IQCE: variants seen among roughly 807,000 people sequenced by gnomAD.
The protein encoded by IQCE is IQ domain-containing protein E.
Under a neutral mutation model 96.0 loss-of-function variants are expected in IQCE, and 115 were observed. That is an observed-to-expected ratio of 1.20 (90% CI 1.03 to 1.40). The LOEUF is 1.40. IQCE is among the 40% of genes most tolerant of loss of function. The pLI, the probability that IQCE is intolerant of heterozygous loss-of-function variation, is 0.00. For missense variants in IQCE, 1,041 were observed against 909.1 expected (o/e 1.15, Z -1.87); for synonymous variants, 412 against 371.2 (o/e 1.11, Z -1.26).
At chr7:2,603,432 C>T (rs1157715369) in intron 18 of IQCE, among the ~76,000 whole-genome samples, 3 of 152,132 alleles carry the variant, frequency 2.0e-5, no homozygotes, top group Admixed American at 6.5e-5. Flanking sequence ...GCTCCTTGTC[C>T]GATCGGCCAG....
intron 15 of IQCE, among the ~76,000 whole-genome samples, chr7:2,594,643 G>A (rs889342753): frequency 2.6e-5 from 4 of 152,216 alleles, no homozygotes; most frequent in Non-Finnish European, 4.4e-5. Flanking sequence ...CCTCAGCCAC[G>A]GCCTCGTGGG....
intron 6 of IQCE, among the ~76,000 whole-genome samples, chr7:2,575,660 C>T (rs539772390): frequency 6.6e-6 from 1 of 152,198 alleles, no homozygotes; most frequent in Non-Finnish European, 1.5e-5. Flanking sequence ...AGAGCGGTTC[C>T]TGCCTGTCGG....
Position 2,611,147 on chromosome 7 carries a change from G to GCTGGGCTGGGCTGGGCTGGA in IQCE, c.*986_*987insTGGGCTGGGCTGGGCTGGAC, listed in dbSNP as rs1785090628. On this transcript the variant is annotated 3_prime_UTR_variant, in exon 22 of 22. Coordinates refer to ENST00000402050, the MANE Select transcript of IQCE (RefSeq NM_152558.5). ...GCTGGGCTGGGCTGGGCTGGGCCGG[G>GCTGGGCTGGGCTGGGCTGGA]CGTGCGGAGCCTGTGGAGCCAGCAG... 1 of 152,680 alleles carries GCTGGGCTGGGCTGGGCTGGA rather than the reference G, an allele frequency of 6.5e-6. No individual in the cohort carries two copies. 9.5% of individuals were successfully genotyped at this position (152,680 alleles called of 1,614,324 possible).
intron 18 of IQCE, among the ~76,000 whole-genome samples, chr7:2,604,455 A>G (rs1784648066): frequency 6.6e-6 from 1 of 152,238 alleles, no homozygotes; most frequent in African/African-American, 2.4e-5. Flanking sequence ...TTCTCTTAAG[A>G]TCACTTCAGA....
intron 1 of IQCE, among the ~76,000 whole-genome samples, chr7:2,565,878 C>T (rs1405159176): frequency 6.6e-6 from 1 of 152,168 alleles, no homozygotes; most frequent in Non-Finnish European, 1.5e-5. Context: ...TCCTTTGCCC[C>T]TCGAAATGCA....
chr7:2,568,260 C>T lies in IQCE; in HGVS notation c.85-694C>T, dbSNP rs542020759. Among the ~76,000 whole-genome samples the T allele has an allele frequency of 9.8e-5, 15 of 152,304 alleles. No individual in the cohort carries two copies. In the South Asian group the frequency reaches 1.2e-3, roughly 13 times the overall value. On this transcript the variant is annotated intron_variant, in intron 2 of 21. Transcript: ENST00000402050. ...TATTAAAAACACAATATAAAATTACCATTGCACTATGGGTATAATGTATAT... is the reference window on the plus strand; with the variant it reads ...TATTAAAAACACAATATAAAATTACTATTGCACTATGGGTATAATGTATAT...
chr7:2,575,165 GT>G (rs1782024653), intron 6 of IQCE, among the ~76,000 whole-genome samples: 2 of 152,232 alleles, frequency 1.3e-5, no homozygotes, highest in African/African-American at 4.8e-5. Context: ...CGCTCTGAGT[GT>G]TTCATCGCGA....
intron 14 of IQCE, among the ~76,000 whole-genome samples, chr7:2,591,333 G>C (rs1007798998): frequency 6.6e-6 from 1 of 152,062 alleles, no homozygotes; most frequent in African/African-American, 2.4e-5. Flanking sequence ...CCTCACCGGG[G>C]GTTCTGGAGT....
chr7:2,594,253 C>G (rs1017003984), intron 15 of IQCE, among the ~76,000 whole-genome samples: 5 of 152,154 alleles, frequency 3.3e-5, no homozygotes, highest in African/African-American at 1.2e-4. Flanking sequence ...GAGCGAGACT[C>G]TGTCTCAAAC....
intron 1 of IQCE, among the ~76,000 whole-genome samples, chr7:2,563,825 C>T (rs1390242449): frequency 1.5e-5 from 2 of 134,256 alleles, no homozygotes; most frequent in South Asian, 4.8e-4. Context: ...ACCCGGGAGG[C>T]GGAGCTTGCA....
chr7:2,583,741 G>T (rs1486585806), intron 10 of IQCE, 32 bp downstream of exon 10: 5 of 1,189,504 alleles, frequency 4.2e-6, no homozygotes, highest in Non-Finnish European at 5.6e-6. Flanking sequence ...AGCGGAGGGC[G>T]GGCACCGAGC....
At chr7:2,592,641 C>G (rs1030377339) in intron 14 of IQCE, among the ~76,000 whole-genome samples, 38 of 152,256 alleles carry the variant, frequency 2.5e-4, no homozygotes, top group African/African-American at 8.9e-4. Context: ...ACAGGCAGTG[C>G]CACGGTCTAG....
chr7:2,566,869 G>C (rs1781410924), intron 1 of IQCE, among the ~76,000 whole-genome samples: 1 of 152,234 alleles, frequency 6.6e-6, no homozygotes, highest in South Asian at 2.1e-4. Context: ...AGTGTTACTA[G>C]ATTTGCAGAC....
intron 3 of IQCE, among the ~76,000 whole-genome samples, chr7:2,570,143 C>T (rs973024876): frequency 1.3e-5 from 2 of 152,044 alleles, no homozygotes; most frequent in African/African-American, 2.4e-5. Context: ...CACCACGTTC[C>T]GAGGCTTTTC....
At chr7:2,585,685 A>C (rs1211020438) in intron 11 of IQCE, among the ~76,000 whole-genome samples, 1 of 152,266 alleles carries the variant, frequency 6.6e-6, no homozygotes, top group Non-Finnish European at 1.5e-5. Flanking sequence ...GGTCAGCCCC[A>C]GCTGGGAACG....
In IQCE at chr7:2,567,090, T is replaced by C. The variant is rs373950715; in HGVS notation, c.37-26T>C. 95 of 1,610,016 alleles carry C rather than the reference T, an allele frequency of 5.9e-5. No homozygotes were observed. The African/African-American group carries it at 1.1e-3, about 19-fold the overall frequency. ...GGAAGCCCAGCAGGTGCCGTCGAGTTACAGTGTTTGCCTCTCTTCCTCCAG... is the reference window on the plus strand; with the variant it reads ...GGAAGCCCAGCAGGTGCCGTCGAGTCACAGTGTTTGCCTCTCTTCCTCCAG... On this transcript the variant is annotated intron_variant, in intron 1 of 21. Transcript: ENST00000402050.
At position 2,587,873 on chromosome 7, in the gene IQCE, A is replaced by G. The variant is rs1236837809; in HGVS notation, c.1040A>G (p.Glu347Gly). 1.2e-6 allele frequency: 2 copies of G among 1,614,002 alleles called. No individual in the cohort carries two copies. Among genetic ancestry groups the G allele is most frequent in the South Asian group, 1.1e-5 (1 of 91,088 alleles). ...PRLLRRIVEL[E>G]KKLSVMESSK... ...CTGCTGAGGCGCATTGTGGAGCTGGAGAAGGTGAGCGGGCGTCTCAGTGCC... is the reference window on the plus strand; with the variant it reads ...CTGCTGAGGCGCATTGTGGAGCTGGGGAAGGTGAGCGGGCGTCTCAGTGCC... Residue 347 changes from glutamate (E) to glycine (G), a missense_variant, in exon 13 of 22, where the codon GAG (glutamate) becomes GGG (glycine). Physicochemically the swap from Glu to Gly is moderately conservative, Grantham distance 98. Transcript: ENST00000402050.
In IQCE at chr7:2,586,284, G is replaced by A. The variant is rs925435325; in HGVS notation, c.901G>A (p.Val301Ile). ...GSALLSLSRS[V>I]QELTEENQSL... ...TGCCCTCCTGAGCTTGTCCCGGAGT[G>A]TCCAGGAGCTCACGGAAGAGAACCA... The change falls in exon 12 of 22, where the codon GTC (valine) becomes ATC (isoleucine). Residue 301 changes from valine to isoleucine, a missense_variant. Transcript: ENST00000402050. 1 of 1,613,568 alleles carries A rather than the reference G, an allele frequency of 6.2e-7. No individual in the cohort carries two copies. Among genetic ancestry groups the A allele is most frequent in the African/African-American group, 1.3e-5 (1 of 74,938 alleles).
chr7:2,572,115 G>A (rs1474481230), intron 4 of IQCE, 77 bp from the exon 5 acceptor site: 9 of 1,480,018 alleles, frequency 6.1e-6, no homozygotes, highest in Non-Finnish European at 9.2e-7. Flanking sequence ...TTCAATCCAG[G>A]AAAGTTGATT....
Sources: allele counts gnomAD v4.1 joint callset (sites outside exome capture counted in the v4.1 genomes callset), GRCh38; gene constraint gnomAD v4.1.1; transcripts MANE v1.5; gene names NCBI Gene and HGNC (gene_info 2026-07-23, HGNC 2026-07-21).